Variants in POLR3B observed in about 807,000 individuals in gnomAD.
The protein encoded by POLR3B is RNA polymerase III subunit B.
In POLR3B, 96 loss-of-function variants were observed where a neutral mutation model predicts 147.4. That is an observed-to-expected ratio of 0.65 (90% CI 0.55 to 0.77). The LOEUF is 0.77. Among genes scored for constraint, POLR3B ranks in the 30% least tolerant of loss-of-function variants. The pLI is 0.00. For missense variants in POLR3B, 1,036 were observed against 1,413.5 expected, an observed-to-expected ratio of 0.73 and a Z score of 4.28; for synonymous variants, 461 against 485.9, an observed-to-expected ratio of 0.95 and a Z score of 0.67.
intron 6 of POLR3B, among the ~76,000 whole-genome samples, chr12:106,371,826 T>G (rs918362955): frequency 4.0e-5 from 6 of 149,180 alleles, no homozygotes; most frequent in African/African-American, 1.5e-4. Context: ...CTTTAGGAGA[T>G]ATACCTAATG....
intron 12 of POLR3B, among the ~76,000 whole-genome samples, chr12:106,419,027 A>G (rs2136945494): frequency 6.6e-6 from 1 of 152,336 alleles, no homozygotes. Context: ...GTAAGGGACT[A>G]ATTAAAATAG....
chr12:106,358,665 C>T (rs752854766), intron 1 of POLR3B, among the ~76,000 whole-genome samples: 4 of 152,112 alleles, frequency 2.6e-5, no homozygotes, highest in Non-Finnish European at 5.9e-5. Context: ...GAGAAGATAG[C>T]AAAGGAGAGA....
chr12:106,427,419 C>G, intron 13 of POLR3B, 61 bp downstream of exon 13: 1 of 1,434,200 alleles, frequency 7.0e-7, no homozygotes. Context: ...TTCAATAGAA[C>G]AGAAACTTAA....
At chr12:106,458,606 T>C (rs2037894606) in intron 21 of POLR3B, among the ~76,000 whole-genome samples, 1 of 152,164 alleles carries the variant, frequency 6.6e-6, no homozygotes, top group Non-Finnish European at 1.5e-5. Context: ...TTTGTCATGG[T>C]TGGCCTGTGG....
At chr12:106,412,978 T>A (rs1362925499) in intron 12 of POLR3B, among the ~76,000 whole-genome samples, 3 of 152,120 alleles carry the variant, frequency 2.0e-5, no homozygotes, top group Admixed American at 1.3e-4. Context: ...CATTTAAAAA[T>A]TTTTTTTCTT....
intron 23 of POLR3B, among the ~76,000 whole-genome samples, chr12:106,480,196 G>A (rs2038247018): frequency 6.6e-6 from 1 of 152,000 alleles, no homozygotes; most frequent in Non-Finnish European, 1.5e-5. Flanking sequence ...CTCTCGATAG[G>A]ATTTTCCTCT....
intron 23 of POLR3B, among the ~76,000 whole-genome samples, chr12:106,483,096 C>T (rs975523750): frequency 1.3e-5 from 2 of 152,136 alleles, no homozygotes; most frequent in African/African-American, 4.8e-5. Flanking sequence ...GGTTCCAGGA[C>T]CCCTGCATAT....
At chr12:106,386,297 C>T (rs1359661481) in intron 9 of POLR3B, among the ~76,000 whole-genome samples, 3 of 150,596 alleles carry the variant, frequency 2.0e-5, no homozygotes, top group Non-Finnish European at 4.4e-5. Flanking sequence ...GAGGCGAAAT[C>T]GCACCACTGC....
At chr12:106,476,122 A>G (rs1207159157) in intron 23 of POLR3B, among the ~76,000 whole-genome samples, 24 of 132,474 alleles carry the variant, frequency 1.8e-4, no homozygotes, top group Non-Finnish European at 2.9e-4. Flanking sequence ...TCCTTCACTT[A>G]TGAAGCTTAG....
intron 23 of POLR3B, among the ~76,000 whole-genome samples, chr12:106,474,933 T>C (rs2038144609): frequency 7.1e-6 from 1 of 140,284 alleles, no homozygotes; most frequent in African/African-American, 2.9e-5. Flanking sequence ...GCTCTTGCTT[T>C]TCTAGTTCTT....
chr12:106,480,001 T>G (rs530843489), intron 23 of POLR3B, among the ~76,000 whole-genome samples: 23 of 58,194 alleles, frequency 4.0e-4, no homozygotes, highest in South Asian at 2.0e-3. Context: ...TGTTTTTGGG[T>G]TTTTTTTTTG....
chr12:106,476,915 C>A (rs1175353465), intron 23 of POLR3B, among the ~76,000 whole-genome samples: 4 of 151,770 alleles, frequency 2.6e-5, no homozygotes, highest in African/African-American at 9.7e-5. Context: ...TGGTGAGGAA[C>A]TGCATTCCTT....
chr12:106,393,066 G>T lies in POLR3B; in HGVS notation c.759G>T (p.Gln253His). The change falls in exon 10 of 28, where the codon CAG (glutamine) becomes CAT (histidine). Residue 253 changes from glutamine (Q) to histidine (H), a missense_variant. Coordinates refer to ENST00000228347, the MANE Select transcript of POLR3B (RefSeq NM_018082.6). ...MGVESDQEIVQMIGTEEHVMA... is the reference protein window; with the variant it reads ...MGVESDQEIVHMIGTEEHVMA... ...TTGAGAGTGACCAGGAAATTGTGCA[G>T]ATGATTGGAACAGAGGAGCACGTGA... 6.2e-7 allele frequency: 1 copy of T among 1,614,200 alleles called. No homozygotes were observed. Among genetic ancestry groups the T allele is most frequent in the Non-Finnish European group, 8.5e-7 (1 of 1,180,018 alleles).
intron 8 of POLR3B, 21 bp downstream of exon 8, chr12:106,378,405 G>A (rs779184269): frequency 5.5e-6 from 8 of 1,448,572 alleles, no homozygotes; most frequent in Non-Finnish European, 7.8e-6. Context: ...CAGAGATGGT[G>A]TCCTTAAGCA....
At chr12:106,402,192 A>C (rs1187302255) in intron 10 of POLR3B, among the ~76,000 whole-genome samples, 1 of 152,176 alleles carries the variant, frequency 6.6e-6, no homozygotes, top group Non-Finnish European at 1.5e-5. Flanking sequence ...CCAAATCATG[A>C]GTGAACTCCC....
intron 25 of POLR3B, among the ~76,000 whole-genome samples, chr12:106,500,836 A>T (rs189215469): frequency 1.5e-3 from 235 of 152,346 alleles, no homozygotes; most frequent in South Asian, 4.6e-3. Flanking sequence ...CCATGTGGCC[A>T]TAATATAGAA....
chr12:106,479,956 G>T (rs928306079), intron 23 of POLR3B, among the ~76,000 whole-genome samples: 2 of 151,252 alleles, frequency 1.3e-5, no homozygotes, highest in Non-Finnish European at 2.9e-5. Flanking sequence ...TGCACTACAG[G>T]CATGCACCAC....
chr12:106,487,128 T>C (rs2038351445), intron 23 of POLR3B, among the ~76,000 whole-genome samples: 1 of 152,162 alleles, frequency 6.6e-6, no homozygotes, highest in South Asian at 2.1e-4. Context: ...GCAAGTAAAA[T>C]GTGAGTGAAA....
intron 23 of POLR3B, among the ~76,000 whole-genome samples, chr12:106,487,686 T>G (rs762785798): frequency 6.6e-6 from 1 of 152,194 alleles, no homozygotes. Context: ...AAAATTTAGT[T>G]TCACAGAACA....
Sources: allele counts gnomAD v4.1 joint callset (sites outside exome capture counted in the v4.1 genomes callset), GRCh38; gene constraint gnomAD v4.1.1; transcripts MANE v1.5; gene names NCBI Gene and HGNC (gene_info 2026-07-23, HGNC 2026-07-21).